The following FMR1NB variants were observed in gnomAD, a reference collection of about 807,000 sequenced individuals.
The protein encoded by FMR1NB is FMR1 neighbor.
In FMR1NB, 10 loss-of-function variants were observed where a neutral mutation model predicts 16.8. The ratio of observed to expected loss-of-function variants is 0.60; its 90% CI spans 0.37 to 1.01. The LOEUF is 1.01. Among genes scored for constraint, FMR1NB ranks in the 50% least tolerant of loss-of-function variants. The pLI is 0.01. For synonymous variants in FMR1NB, 83 were observed against 79.1 expected (o/e 1.05, Z -0.26); for missense variants, 205 against 204.8 (o/e 1.00, Z 0.00).
In FMR1NB at chrX:147,990,056, C is replaced by A. The variant is rs782430498; in HGVS notation, c.277+8377C>A. 3.1e-3 allele frequency among the ~76,000 whole-genome samples: 298 copies of A among 95,695 alleles called. 3 individuals are homozygous for A. The highest frequency in any genetic ancestry group is 4.7e-3 in the Non-Finnish European group (225 of 47,861). 83.1% of individuals were successfully genotyped at this position (95,695 alleles called of 115,157 possible). Reference sequence around the variant, plus strand: ...TGGGCTAAGAAAAAAAAAAAAAAAACAAAAGCTCCTGCAGCTAGCTCCGTG... The same window carrying A: ...TGGGCTAAGAAAAAAAAAAAAAAAAAAAAAGCTCCTGCAGCTAGCTCCGTG... On this transcript the variant is annotated intron_variant, in intron 1 of 5. Transcript: ENST00000370467.
At chrX:147,989,841 TC>T (rs782287880) in intron 1 of FMR1NB, among the ~76,000 whole-genome samples, 64 of 110,378 alleles carry the variant, frequency 5.8e-4, no homozygotes, top group Non-Finnish European at 1.3e-4. Context: ...ATGGTGGATG[TC>T]CCTCCCCACA....
intron 1 of FMR1NB, among the ~76,000 whole-genome samples, chrX:147,986,447 T>A: frequency 8.9e-6 from 1 of 112,176 alleles, no homozygotes; most frequent in Non-Finnish European, 1.9e-5. Context: ...GTTTTTATGG[T>A]TTTAGGTCTT....
At chrX:148,011,637 C>G (rs2044625714) in intron 4 of FMR1NB, among the ~76,000 whole-genome samples, 1 of 111,212 alleles carries the variant, frequency 9.0e-6, no homozygotes, top group African/African-American at 3.3e-5. Flanking sequence ...TAGGAGAGGG[C>G]ACGTCAGGCT....
At chrX:147,989,561 C>T (rs782373066) in intron 1 of FMR1NB, among the ~76,000 whole-genome samples, 1 of 112,222 alleles carries the variant, frequency 8.9e-6, no homozygotes, top group Non-Finnish European at 1.9e-5. Context: ...TCAGGGTCCA[C>T]TGCTCTCTTC....
chrX:147,990,181 A>T (rs1028848511), intron 1 of FMR1NB, among the ~76,000 whole-genome samples: 6 of 111,786 alleles, frequency 5.4e-5, no homozygotes, highest in African/African-American at 1.3e-4. Context: ...AAAACCATAG[A>T]AAAAGCATAG....
chrX:148,014,651 AT>A lies in FMR1NB; in HGVS notation c.632+5951del, dbSNP rs201777714. 3.6e-3 allele frequency among the ~76,000 whole-genome samples: 385 copies of A among 107,380 alleles called. 10 individuals are homozygous for A. In the East Asian group the frequency reaches 0.086, roughly 24 times the overall value. 93.2% of individuals were successfully genotyped at this position (107,380 alleles called of 115,157 possible). On this transcript the variant is annotated intron_variant, in intron 4 of 5. Transcript: ENST00000370467. Reference sequence around the variant, plus strand: ...GGCTTCTACGGAAGTAAACTTGGGAATTTTTTTTTTTAAGACAAGTTCTCGC... The same window carrying A: ...GGCTTCTACGGAAGTAAACTTGGGAATTTTTTTTTTAAGACAAGTTCTCGC...
chrX:148,015,810 C>A (rs1319992637), intron 4 of FMR1NB, among the ~76,000 whole-genome samples: 1 of 112,005 alleles, frequency 8.9e-6, no homozygotes, highest in African/African-American at 3.2e-5. Context: ...CTCTAAATAT[C>A]TATTAGGTCT....
chrX:148,003,181 T>C lies in FMR1NB; in HGVS notation c.278-20T>C. On this transcript the variant is annotated intron_variant, in intron 1 of 5. Coordinates refer to ENST00000370467, the MANE Select transcript of FMR1NB (RefSeq NM_152578.3). The stretch of plus-strand genomic sequence containing the variant: ...TAAATGCTTTATATGTTGGGATTAA[T>C]AATTTTACTTCTTCTTAAGGGTCCT... 8.3e-7 allele frequency: 1 copy of C among 1,201,170 alleles called. No homozygotes were observed. The highest frequency in any genetic ancestry group is 1.1e-6 in the Non-Finnish European group (1 of 888,644).
intron 4 of FMR1NB, 80 bp from the exon 5 acceptor site, chrX:148,024,785 A>AT (rs2044695136): frequency 2.7e-6 from 3 of 1,104,476 alleles, no homozygotes; most frequent in Non-Finnish European, 2.4e-6. Context: ...CTGGGCAAAT[A>AT]TTTTTTTCCT....
intron 1 of FMR1NB, among the ~76,000 whole-genome samples, chrX:147,990,638 A>C (rs782596143): frequency 9.0e-6 from 1 of 111,345 alleles, no homozygotes; most frequent in East Asian, 2.8e-4. Flanking sequence ...ACTTTGAAAT[A>C]TAAAACAAAT....
At chrX:148,004,881 T>C (rs1249757364) in intron 2 of FMR1NB, among the ~76,000 whole-genome samples, 3 of 112,495 alleles carry the variant, frequency 2.7e-5, no homozygotes, top group Non-Finnish European at 3.8e-5. Context: ...TAATTTGAGC[T>C]TGAAAGTTAA....
At chrX:147,992,154 G>A (rs782590826) in intron 1 of FMR1NB, among the ~76,000 whole-genome samples, 2,106 of 91,984 alleles carry the variant, frequency 0.023, no homozygotes, top group African/African-American at 0.056. Flanking sequence ...ATCCCGTCCC[G>A]TTCTCAATGA....
At chrX:147,995,176 T>G (rs1227224853) in intron 1 of FMR1NB, among the ~76,000 whole-genome samples, 1 of 112,191 alleles carries the variant, frequency 8.9e-6, no homozygotes, top group Non-Finnish European at 1.9e-5. Context: ...TTTGGACTTC[T>G]AGCCTCCAGA....
intron 4 of FMR1NB, among the ~76,000 whole-genome samples, chrX:148,014,197 C>A: frequency 9.0e-6 from 1 of 110,920 alleles, no homozygotes; most frequent in East Asian, 2.8e-4. Flanking sequence ...TGAGATGGGG[C>A]CGCAAGTGGG....
chrX:148,008,204 G>A lies in FMR1NB; in HGVS notation c.539-414G>A, dbSNP rs782620474. 1.0e-3 allele frequency: 124 copies of A among 124,606 alleles called. 1 individual carries two copies. Among genetic ancestry groups the A allele is most frequent in the African/African-American group, 3.6e-3 (111 of 31,204 alleles). 10.3% of individuals were successfully genotyped at this position (124,606 alleles called of 1,213,427 possible). ...TGAGATGGGGCACATTCAGGATGGTGTGACCATAGATTAAGAAGCTATTTA... is the reference window on the plus strand; with the variant it reads ...TGAGATGGGGCACATTCAGGATGGTATGACCATAGATTAAGAAGCTATTTA... On this transcript the variant is annotated intron_variant, in intron 3 of 5. Transcript: ENST00000370467.
At chrX:147,988,444 T>C (rs1266836674) in intron 1 of FMR1NB, among the ~76,000 whole-genome samples, 1 of 111,692 alleles carries the variant, frequency 9.0e-6, no homozygotes, top group Non-Finnish European at 1.9e-5. Context: ...CTTAACATTT[T>C]TTCCTTCATT....
intron 1 of FMR1NB, among the ~76,000 whole-genome samples, chrX:147,997,931 A>G (rs1381354664): frequency 5.1e-4 from 57 of 112,729 alleles, no homozygotes; most frequent in African/African-American, 1.8e-3. Context: ...TTAGAATGGC[A>G]ATCATTAAAA....
At chrX:148,003,563 T>A (rs973888137) in intron 2 of FMR1NB, among the ~76,000 whole-genome samples, 1 of 112,400 alleles carries the variant, frequency 8.9e-6, no homozygotes, top group East Asian at 2.8e-4. Flanking sequence ...ATAAGGCATT[T>A]CATAAATGTT....
chrX:148,025,764 A>G (rs1170837186), intron 5 of FMR1NB: 1 of 112,104 alleles, frequency 8.9e-6, no homozygotes, highest in Non-Finnish European at 1.9e-5. Context: ...AAACAATATA[A>G]TGTATGTGAA....
Sources: gnomAD v4.1 joint callset for allele counts (sites outside exome capture counted in the v4.1 genomes callset) on GRCh38, gnomAD v4.1.1 for gene constraint, MANE v1.5 for transcripts, NCBI Gene and HGNC (gene_info 2026-07-23, HGNC 2026-07-21) for gene names.